The following CTNND2 variants were observed in gnomAD, a reference collection of about 807,000 sequenced individuals.
The protein encoded by CTNND2 is catenin delta 2.
In CTNND2, 22 loss-of-function variants were observed where a neutral mutation model predicts 144.4. That is an observed-to-expected ratio of 0.15 (90% CI 0.11 to 0.22). The LOEUF (loss-of-function observed/expected upper bound fraction) is 0.22, where lower values mean the gene tolerates loss of function less well. Ranked by LOEUF, CTNND2 falls within the 10% of genes least tolerant of loss-of-function variation. The pLI is 1.00. For synonymous variants in CTNND2, 751 were observed against 695.6 expected (o/e 1.08, Z -1.25); for missense variants, 1,353 against 1,618.8 (o/e 0.84, Z 2.82).
intron 1 of CTNND2, among the ~76,000 whole-genome samples, chr5:11,745,286 G>T (rs1788246948): frequency 6.6e-6 from 1 of 152,088 alleles, no homozygotes; most frequent in East Asian, 1.9e-4. Context: ...ATTCTCAGGA[G>T]TCTTCTTTAG....
intron 1 of CTNND2, among the ~76,000 whole-genome samples, chr5:11,876,529 T>C (rs1174859337): frequency 6.6e-6 from 1 of 152,100 alleles, no homozygotes; most frequent in Non-Finnish European, 1.5e-5. Context: ...TGTGTATGTA[T>C]ACACATGCAC....
chr5:11,403,003 C>T lies in CTNND2; in HGVS notation c.440-5800G>A, dbSNP rs77659333. On this transcript the variant is annotated intron_variant, in intron 5 of 21. Transcript: ENST00000304623. ...ACATAAAGGATTGGTCAAATGTTTG[C>T]ACTACACAGTAAGTCACTCAACTTT... Among the ~76,000 whole-genome samples the T allele has an allele frequency of 4.6e-5, 7 of 152,252 alleles. No homozygotes were observed. The East Asian group carries it at 9.6e-4, about 21-fold the overall frequency.
chr5:11,320,860 A>G (rs894249757), intron 9 of CTNND2, among the ~76,000 whole-genome samples: 1 of 152,200 alleles, frequency 6.6e-6, no homozygotes, highest in Admixed American at 6.5e-5. Context: ...AATTTCTAAA[A>G]TAGGCCCTGG....
At chr5:11,652,244 C>A (rs1782680369) in intron 2 of CTNND2, among the ~76,000 whole-genome samples, 1 of 152,136 alleles carries the variant, frequency 6.6e-6, no homozygotes, top group Non-Finnish European at 1.5e-5. Context: ...TAGCACCTCC[C>A]CGTTTGCTTT....
At chr5:11,352,701 T>TA (rs1461681189) in intron 8 of CTNND2, among the ~76,000 whole-genome samples, 1 of 152,192 alleles carries the variant, frequency 6.6e-6, no homozygotes, top group Non-Finnish European at 1.5e-5. Flanking sequence ...GTACAATTTT[T>TA]AAAAATGCAA....
At chr5:11,409,913 T>G (rs532640616) in intron 5 of CTNND2, among the ~76,000 whole-genome samples, 291 of 152,252 alleles carry the variant, frequency 1.9e-3, no homozygotes, top group Middle Eastern at 6.8e-3. Flanking sequence ...CCCTTCTATT[T>G]TAATTTGTTT....
At chr5:11,476,123 G>C (rs530091954) in intron 3 of CTNND2, among the ~76,000 whole-genome samples, 1 of 150,894 alleles carries the variant, frequency 6.6e-6, no homozygotes, top group African/African-American at 2.4e-5. Flanking sequence ...CGCCCACCTC[G>C]GCATCCCAAA....
At chr5:11,349,332 G>A (rs1341095725) in intron 8 of CTNND2, among the ~76,000 whole-genome samples, 2 of 152,092 alleles carry the variant, frequency 1.3e-5, no homozygotes, top group Non-Finnish European at 2.9e-5. Flanking sequence ...GCTGGGCTCT[G>A]TTGTAAGTGC....
chr5:11,747,713 A>C (rs1157540577), intron 1 of CTNND2, among the ~76,000 whole-genome samples: 2 of 152,168 alleles, frequency 1.3e-5, no homozygotes, highest in Non-Finnish European at 2.9e-5. Context: ...AATCTGGCAA[A>C]AAAACAAAAC....
At chr5:11,125,539 G>A (rs893801692) in intron 12 of CTNND2, among the ~76,000 whole-genome samples, 4 of 152,278 alleles carry the variant, frequency 2.6e-5, no homozygotes, top group African/African-American at 2.4e-5. Context: ...GCTGCTCAGC[G>A]CCGGGCTGGT....
chr5:11,482,216 T>C (rs1768344403), intron 3 of CTNND2, among the ~76,000 whole-genome samples: 1 of 152,170 alleles, frequency 6.6e-6, no homozygotes, highest in African/African-American at 2.4e-5. Flanking sequence ...CTGCTATTCA[T>C]GGCATCTTTC....
At chr5:11,395,269 T>C (rs1759983461) in intron 6 of CTNND2, among the ~76,000 whole-genome samples, 3 of 152,208 alleles carry the variant, frequency 2.0e-5, no homozygotes, top group Admixed American at 2.0e-4. Flanking sequence ...TAAGCATCCC[T>C]TTCATACTTC....
chr5:11,202,140 C>G (rs1737507318), intron 10 of CTNND2, among the ~76,000 whole-genome samples: 1 of 145,324 alleles, frequency 6.9e-6, no homozygotes. Context: ...GTACTAAAAA[C>G]AGATGGCATC....
intron 9 of CTNND2, among the ~76,000 whole-genome samples, chr5:11,278,122 C>T (rs1482415921): frequency 6.6e-6 from 1 of 152,132 alleles, no homozygotes. Flanking sequence ...AAACTCTGTT[C>T]TCCTCGTCCC....
At chr5:11,048,730 T>C (rs1330613374) in intron 16 of CTNND2, among the ~76,000 whole-genome samples, 4 of 152,232 alleles carry the variant, frequency 2.6e-5, no homozygotes, top group Admixed American at 6.5e-5. Flanking sequence ...AGACTTGTGA[T>C]TTTCACATAT....
chr5:10,996,408 G>C (rs1739351694), intron 18 of CTNND2, among the ~76,000 whole-genome samples: 1 of 151,212 alleles, frequency 6.6e-6, no homozygotes, highest in Admixed American at 6.6e-5. Flanking sequence ...AGAGCAATGA[G>C]GAGGGGGCAA....
chr5:11,429,071 G>A (rs1487032439), intron 3 of CTNND2, among the ~76,000 whole-genome samples: 1 of 152,154 alleles, frequency 6.6e-6, no homozygotes, highest in Non-Finnish European at 1.5e-5. Flanking sequence ...GAAAGCTATA[G>A]GGACCAACTT....
Position 11,732,144 on chromosome 5 carries a change from T to C in CTNND2, c.166A>G (p.Lys56Glu). ...ETTSAILASV[K>E]EQELQFERLT... is the part of the protein sequence containing the mutation. ...AATGGGAATGTTTCTACCTGTTCTT[T>C]GACTGAGGCGAGGATGGCAGAGGTG... Residue 56 changes from lysine (K) to glutamate (E), a missense_variant, in exon 2 of 22, where the codon AAA becomes GAA. Transcript: ENST00000304623. 1 of 1,613,406 alleles carries C rather than the reference T, an allele frequency of 6.2e-7. No individual in the cohort carries two copies. The highest frequency in any genetic ancestry group is 1.1e-5 in the South Asian group (1 of 91,030).
At chr5:11,089,335 G>C (rs937515398) in intron 15 of CTNND2, among the ~76,000 whole-genome samples, 3 of 152,230 alleles carry the variant, frequency 2.0e-5, no homozygotes, top group Non-Finnish European at 2.9e-5. Flanking sequence ...AGCAATGCTG[G>C]AAGTGTGCTT....
Sources: gnomAD v4.1 joint callset for allele counts (sites outside exome capture counted in the v4.1 genomes callset) on GRCh38, gnomAD v4.1.1 for gene constraint, MANE v1.5 for transcripts, NCBI Gene and HGNC (gene_info 2026-07-23, HGNC 2026-07-21) for gene names.